Variants in ZBTB48 observed in about 807,000 individuals in gnomAD.
The protein encoded by ZBTB48 is zinc finger and BTB domain-containing protein 48.
Under a neutral mutation model 64.5 loss-of-function variants are expected in ZBTB48, and 35 were observed. That is an observed-to-expected ratio of 0.54 (90% CI 0.41 to 0.72). The LOEUF is 0.72. Ranked by LOEUF, ZBTB48 falls within the 30% of genes least tolerant of loss-of-function variation. The pLI, the probability that ZBTB48 is intolerant of heterozygous loss-of-function variation, is 0.00. For missense variants in ZBTB48, 828 were observed against 895.3 expected (o/e 0.92, Z 0.96); for synonymous variants, 442 against 356.7 (o/e 1.24, Z -2.70).
rs187726385 is a variant in ZBTB48 at position 6,587,926 on chromosome 1, C to G, written c.1380-134C>G. 1.2e-5 allele frequency: 15 copies of G among 1,289,212 alleles called. No homozygotes were observed. The East Asian group carries it at 3.3e-4, about 28-fold the overall frequency. 79.9% of individuals were successfully genotyped at this position (1,289,212 alleles called of 1,614,324 possible). A position where few individuals can be genotyped will look rare whatever the true frequency, so the allele number is the denominator to read the frequency against. ...CCTGCTCATAGATTGTCCTTCTGCT[C>G]TCGGGGTGGAGGTGGTGCCCCTTTC... On this transcript the variant is annotated intron_variant, in intron 7 of 10. Transcript: ENST00000377674.
In ZBTB48 at chr1:6,584,277, G is replaced by C. The variant is rs1406019056; in HGVS notation, c.933-1642G>C. On this transcript the variant is annotated intron_variant, in intron 3 of 10. Coordinates refer to ENST00000377674, the MANE Select transcript of ZBTB48 (RefSeq NM_005341.4). This position sits in a 1 kb window ranked among gnomAD's most constrained non-coding sequence, Gnocchi z 4.5. The stretch of plus-strand genomic sequence containing the variant: ...AAAATTCAGTTCCTCAGATACGTTA[G>C]CCAAATCTGAAGTGGTGAGGAACCA... 1.3e-5 allele frequency among the ~76,000 whole-genome samples: 2 copies of C among 152,260 alleles called. No homozygotes were observed. Among genetic ancestry groups the C allele is most frequent in the African/African-American group, 4.8e-5 (2 of 41,466 alleles).
chr1:6,583,744 G>A (rs1444783889), intron 3 of ZBTB48, among the ~76,000 whole-genome samples: 1 of 151,004 alleles, frequency 6.6e-6, no homozygotes, highest in African/African-American at 2.4e-5. Flanking sequence ...GGGACTACAG[G>A]TGCGCACCAC....
chr1:6,582,093 T>C lies in ZBTB48; in HGVS notation c.726T>C (p.Asp242=). Reference sequence around the variant, plus strand: ...TGGTTCAAGTGGAGGATGATGGGGATGGCGATTACATGTCTGAGCCTGAGG... The same window carrying C: ...TGGTTCAAGTGGAGGATGATGGGGACGGCGATTACATGTCTGAGCCTGAGG... ...EVVVQVEDDG[D]GDYMSEPEAV... Residue 242 remains aspartate (D), a synonymous_variant, in exon 3 of 11, where the codon GAT becomes GAC. Transcript: ENST00000377674. 1.2e-6 allele frequency: 2 copies of C among 1,614,164 alleles called. No homozygotes were observed. Among genetic ancestry groups the C allele is most frequent in the Non-Finnish European group, 1.7e-6 (2 of 1,180,034 alleles).
Position 6,587,582 on chromosome 1 carries a change from C to T in ZBTB48, c.1329C>T (p.His443=), listed in dbSNP as rs1570176410. ...TGTTTGTGTGTGAGGAGTGTGGGCA[C>T]CGGGCCTCGAGCCGGAATGGCCTGC... ...EKLFVCEECG[H]RASSRNGLQM... is the part of the protein sequence containing the mutation. Residue 443 remains histidine, a synonymous_variant, in exon 7 of 11, where the codon CAC becomes CAT. Transcript: ENST00000377674. 2 of 1,613,878 alleles carry T rather than the reference C, an allele frequency of 1.2e-6. No individual in the cohort carries two copies. The highest frequency in any genetic ancestry group is 1.7e-6 in the Non-Finnish European group (2 of 1,180,046).
In ZBTB48 at chr1:6,580,792, C is replaced by T. The variant is rs768398202; in HGVS notation, c.183C>T (p.Gly61=). ...FQSLYGDGSG[G]SVVLPAGFAE... ...GCCTCTACGGGGATGGCTCAGGGGGCAGTGTCGTCCTCCCTGCTGGCTTCG... is the reference window on the plus strand; with the variant it reads ...GCCTCTACGGGGATGGCTCAGGGGGTAGTGTCGTCCTCCCTGCTGGCTTCG... The change falls in exon 2 of 11, where the codon GGC becomes GGT. Residue 61 remains glycine (G), a synonymous_variant. Transcript: ENST00000377674. The surrounding 1 kb of genome is among the most constrained non-coding windows in gnomAD (Gnocchi z 5.2). 74 of 1,614,120 alleles carry T rather than the reference C, an allele frequency of 4.6e-5. No homozygotes were observed. Among genetic ancestry groups the T allele is most frequent in the Non-Finnish European group, 5.3e-5 (63 of 1,180,052 alleles).
At position 6,582,279 on chromosome 1, in the gene ZBTB48, T is replaced by A; in HGVS notation, c.912T>A (p.Tyr304Ter). The A allele has an allele frequency of 6.2e-7, 1 of 1,612,340 alleles. No homozygotes were observed. Among genetic ancestry groups the A allele is most frequent in the Non-Finnish European group, 8.5e-7 (1 of 1,178,580 alleles). ...PTCHKKFLSK[Y>*]YLKVHNRKHT... ...GTCATAAAAAGTTCCTCAGCAAATA[T>A]TATCTAAAAGTCCACAACAGGTAAA... Residue 304 changes from tyrosine to a stop codon, truncating the protein, a stop_gained, in exon 3 of 11, where the codon TAT becomes TAA. Transcript: ENST00000377674. LOFTEE classifies it high-confidence loss of function.
At chr1:6,585,862 T>C in intron 3 of ZBTB48, 57 bp from the exon 4 acceptor site, 1 of 1,556,044 alleles carries the variant, frequency 6.4e-7, no homozygotes, top group Non-Finnish European at 8.9e-7. Flanking sequence ...GGGCCCTGGG[T>C]GAGGGAGAGA....
At chr1:6,587,690 C>A (rs185926387) in intron 7 of ZBTB48, 58 bp downstream of exon 7, 1 of 1,599,758 alleles carries the variant, frequency 6.3e-7, no homozygotes, top group South Asian at 1.1e-5. Context: ...AGGCTTGCAC[C>A]GGCAGGGAAG....
Position 6,582,504 on chromosome 1 carries a change from A to G in ZBTB48, c.932+205A>G, listed in dbSNP as rs544063542. Among the ~76,000 whole-genome samples the G allele has an allele frequency of 2.0e-5, 3 of 152,098 alleles. No individual in the cohort carries two copies. In the South Asian group the frequency reaches 6.2e-4, roughly 32 times the overall value. On this transcript the variant is annotated intron_variant, in intron 3 of 10. Transcript: ENST00000377674. ...TCTTCTTCCTTGCTGTCCTGTGAGT[A>G]CTCTGGTTGGAGATGGGTTTGTGTA...
Position 6,584,660 on chromosome 1 carries a change from C to G in ZBTB48, c.933-1259C>G, listed in dbSNP as rs142250900. On this transcript the variant is annotated intron_variant, in intron 3 of 10. Coordinates refer to ENST00000377674, the MANE Select transcript of ZBTB48 (RefSeq NM_005341.4). This position sits in a 1 kb window ranked among gnomAD's most constrained non-coding sequence, Gnocchi z 4.5. ...CTGTGTACTGCTGGATGCTTGCTTT[C>G]AAGTACTCTGCTGGGGTAAGACTCT... Among the ~76,000 whole-genome samples, 3 of 152,328 alleles carry G rather than the reference C, an allele frequency of 2.0e-5. No individual in the cohort carries two copies. In the East Asian group the frequency reaches 5.8e-4, roughly 29 times the overall value.
Position 6,580,432 on chromosome 1 carries a change from T to G in ZBTB48, c.-69-109T>G. The G allele has an allele frequency of 6.4e-6, 4 of 627,790 alleles. No homozygotes were observed. The highest frequency in any genetic ancestry group is 1.1e-5 in the Non-Finnish European group (4 of 372,032). 38.9% of individuals were successfully genotyped at this position (627,790 alleles called of 1,614,324 possible). On this transcript the variant is annotated intron_variant, in intron 1 of 10. Transcript: ENST00000377674. The surrounding 1 kb of genome is among the most constrained non-coding windows in gnomAD (Gnocchi z 5.2). ...CCCCCGGCCCCCGGGAGGCTGTCAG[T>G]GTGTTCCAGCCCTCCGCGTGCACCC...
In ZBTB48 at chr1:6,586,729, G is replaced by A. The variant is rs1207199154; in HGVS notation, c.1079G>A (p.Arg360His). 2.5e-6 allele frequency: 4 copies of A among 1,580,442 alleles called. No individual in the cohort carries two copies. The highest frequency in any genetic ancestry group is 1.3e-5 in the African/African-American group (1 of 74,088). ...TGCTCTGTGTGCCAGGAGACATTCC[G>A]CCGAAGGATGGAGCTGCGGGTGCAC... is the stretch of plus-strand genomic sequence containing the variant. ...FTCSVCQETF[R>H]RRMELRVHMV... The change falls in exon 5 of 11, where the codon CGC (arginine) becomes CAC (histidine). Residue 360 changes from arginine to histidine, a missense_variant. Arg to His is a conservative substitution (Grantham distance 29). Transcript: ENST00000377674.
chr1:6,587,731 T>C, intron 7 of ZBTB48, 99 bp downstream of exon 7: 1 of 1,528,008 alleles, frequency 6.5e-7, no homozygotes, highest in South Asian at 1.3e-5. Context: ...CACAGATGAG[T>C]GTGCCCTTGG....
chr1:6,586,006 G>A lies in ZBTB48; in HGVS notation c.1020G>A (p.Arg340=), dbSNP rs143981973. Residue 340 remains arginine (R), a synonymous_variant, in exon 4 of 11, where the codon CGG becomes CGA. Transcript: ENST00000377674. ...AGAACCTCCTGGAGCATGAAGCCCGGAATTGCATGAACCGCTCGGAACAGG... is the reference window on the plus strand; with the variant it reads ...AGAACCTCCTGGAGCATGAAGCCCGAAATTGCATGAACCGCTCGGAACAGG... ...RKENLLEHEA[R]NCMNRSEQVF... 1 of 1,614,140 alleles carries A rather than the reference G, an allele frequency of 6.2e-7. No individual in the cohort carries two copies. The highest frequency in any genetic ancestry group is 1.3e-5 in the African/African-American group (1 of 75,044).
Position 6,580,768 on chromosome 1 carries a change from C to T in ZBTB48, c.159C>T (p.Ser53=), listed in dbSNP as rs534462917. ...CCTGCTGCAGTCACTTTTTCCAGAGCCTCTACGGGGATGGCTCAGGGGGCA... is the reference window on the plus strand; with the variant it reads ...CCTGCTGCAGTCACTTTTTCCAGAGTCTCTACGGGGATGGCTCAGGGGGCA... ...VLACCSHFFQ[S]LYGDGSGGSV... is the part of the protein sequence containing the mutation. The change falls in exon 2 of 11, where the codon AGC becomes AGT. Residue 53 remains serine, a synonymous_variant. Coordinates refer to ENST00000377674, the MANE Select transcript of ZBTB48 (RefSeq NM_005341.4). This position sits in a 1 kb window ranked among gnomAD's most constrained non-coding sequence, Gnocchi z 5.2. 6 of 1,614,220 alleles carry T rather than the reference C, an allele frequency of 3.7e-6. No homozygotes were observed. Among genetic ancestry groups the T allele is most frequent in the African/African-American group, 1.3e-5 (1 of 75,052 alleles).
chr1:6,586,265 T>G (rs1640662996), intron 4 of ZBTB48: 3 of 557,974 alleles, frequency 5.4e-6, no homozygotes. Flanking sequence ...GGGTTGGCTT[T>G]CCTAGGCCCC....
Position 6,581,207 on chromosome 1 carries a change from T to C in ZBTB48, c.598T>C (p.Cys200Arg). Residue 200 changes from cysteine to arginine, a missense_variant, in exon 2 of 11, where the codon TGT (cysteine) becomes CGT (arginine). Transcript: ENST00000377674. The part of the protein sequence containing the change: ...CGKLKQALKP[C>R]PLEDKKPEDC... ...GAAACTGAAGCAGGCCTTGAAGCCT[T>C]GTCCCCTTGAGGACAAGAAACCCGA... is the stretch of plus-strand genomic sequence containing the variant. The C allele has an allele frequency of 6.2e-7, 1 of 1,613,384 alleles. No homozygotes were observed. Among genetic ancestry groups the C allele is most frequent in the East Asian group, 2.2e-5 (1 of 44,878 alleles).
In ZBTB48 at chr1:6,589,168, T is replaced by G. The variant is rs2229330; in HGVS notation, c.2023T>G (p.Ser675Ala). 0.064 allele frequency: 98,949 copies of G among 1,547,568 alleles called. 3,613 individuals are homozygous for G. Among genetic ancestry groups the G allele is most frequent in the Non-Finnish European group, 0.072 (82,669 of 1,150,842 alleles). ...SFTGPGVLEP[S>A]LIITAAVPED... The stretch of plus-strand genomic sequence containing the variant: ...CACCGGCCCAGGTGTCCTGGAGCCC[T>G]CCCTCATCATCACAGCTGCTGTCCC... Residue 675 changes from serine (S) to alanine (A), a missense_variant, in exon 11 of 11, where the codon TCC becomes GCC. Coordinates refer to ENST00000377674, the MANE Select transcript of ZBTB48 (RefSeq NM_005341.4).
Position 6,584,766 on chromosome 1 carries a change from A to G in ZBTB48, c.933-1153A>G, listed in dbSNP as rs1317824331. Among the ~76,000 whole-genome samples, 2 of 152,128 alleles carry G rather than the reference A, an allele frequency of 1.3e-5. No individual in the cohort carries two copies. The highest frequency in any genetic ancestry group is 4.8e-5 in the African/African-American group (2 of 41,428). ...TGGGAGGGGATGGCTTCATGAAGTC[A>G]TTTTGATGGGGGATGAAGATAGTTG... is the stretch of plus-strand genomic sequence containing the variant. On this transcript the variant is annotated intron_variant, in intron 3 of 10. Transcript: ENST00000377674. The surrounding 1 kb of genome is among the most constrained non-coding windows in gnomAD (Gnocchi z 4.5).
Sources: gnomAD v4.1 joint callset for allele counts (sites outside exome capture counted in the v4.1 genomes callset) on GRCh38, gnomAD v4.1.1 for gene constraint, Gnocchi (gnomAD v3.1) non-coding constraint, MANE v1.5 for transcripts, NCBI Gene and HGNC (gene_info 2026-07-23, HGNC 2026-07-21) for gene names.